Variants in COL5A2 observed in about 807,000 individuals in gnomAD.
COL5A2 encodes collagen type V alpha 2 chain.
Under a neutral mutation model 208.2 loss-of-function variants are expected in COL5A2, and 23 were observed. The ratio of observed to expected loss-of-function variants is 0.11; its 90% CI spans 0.08 to 0.16. The LOEUF (loss-of-function observed/expected upper bound fraction) is 0.16, where lower values mean the gene tolerates loss of function less well. Ranked by LOEUF, COL5A2 falls within the 10% of genes least tolerant of loss-of-function variation. The probability of loss-of-function intolerance (pLI) is 1.00; values close to 1 mark genes in which losing one functional copy is unlikely to be tolerated. For synonymous variants in COL5A2, 625 were observed against 628.5 expected, an observed-to-expected ratio of 0.99 and a Z score of 0.08; for missense variants, 1,590 against 1,956.4, an observed-to-expected ratio of 0.81 and a Z score of 3.53.
intron 1 of COL5A2, among the ~76,000 whole-genome samples, chr2:189,121,339 C>CTCTCTACCAACTGGCCAG (rs1489868777): frequency 1.3e-5 from 2 of 152,104 alleles, no homozygotes; most frequent in African/African-American, 4.8e-5. Flanking sequence ...CAGATTCCTT[C>CTCTCTACCAACTGGCCAG]TCTCTACCAA....
At position 189,173,648 on chromosome 2, in the gene COL5A2, G is replaced by A. The variant is rs1688617649; in HGVS notation, c.97+5860C>T. On this transcript the variant is annotated intron_variant, in intron 1 of 53. Coordinates refer to ENST00000374866, the MANE Select transcript of COL5A2 (RefSeq NM_000393.5). ...AGTATCTTCCTGATAATTTCATTCA[G>A]ACTCCAAAAGCCTACTCAAGCTGTG... 2.0e-5 allele frequency among the ~76,000 whole-genome samples: 3 copies of A among 151,988 alleles called. No homozygotes were observed. The South Asian group carries it at 6.2e-4, about 31-fold the overall frequency.
the COL5A2 span, among the ~76,000 whole-genome samples, chr2:189,349,146 G>A: frequency 6.6e-6 from 1 of 152,106 alleles, no homozygotes; most frequent in African/African-American, 2.4e-5. Flanking sequence ...TAACATAATT[G>A]TGTCTTGTCA....
At chr2:189,222,908 CT>C (rs1230764250) in intron 1 of COL5A2, among the ~76,000 whole-genome samples, 1 of 152,166 alleles carries the variant, frequency 6.6e-6, no homozygotes, top group Non-Finnish European at 1.5e-5. Context: ...CTGAAAGCTA[CT>C]TCATATGAGG....
At chr2:189,322,781 T>C in the COL5A2 span, among the ~76,000 whole-genome samples, 1 of 152,172 alleles carries the variant, frequency 6.6e-6, no homozygotes, top group Non-Finnish European at 1.5e-5. Context: ...CTTCCGAAAC[T>C]ACTCCAATCA....
the COL5A2 span, among the ~76,000 whole-genome samples, chr2:189,361,027 T>C: frequency 6.6e-6 from 1 of 151,964 alleles, no homozygotes. Flanking sequence ...GTGTGGTCTG[T>C]CTATCCTAAA....
At position 189,043,247 on chromosome 2, in the gene COL5A2, T is replaced by A. The variant is rs1236661392; in HGVS notation, c.3375A>T (p.Gly1125=). Reference sequence around the variant, plus strand: ...CATGATCACCTTTGTCACCACGAGGTCCTTGGGGTCCCTAGAAATAGAGAT... The same window carrying A: ...CATGATCACCTTTGTCACCACGAGGACCTTGGGGTCCCTAGAAATAGAGAT... The part of the protein sequence containing the change: ...AGKRGLPGPQ[G]PRGDKGDHGD... Residue 1125 remains glycine, a synonymous_variant, in exon 48 of 54, where the codon GGA becomes GGT. Transcript: ENST00000374866. 1 of 1,611,402 alleles carries A rather than the reference T, an allele frequency of 6.2e-7. No homozygotes were observed. The highest frequency in any genetic ancestry group is 8.5e-7 in the Non-Finnish European group (1 of 1,177,662).
At chr2:189,169,755 A>G (rs1247243660) in intron 1 of COL5A2, among the ~76,000 whole-genome samples, 1 of 152,234 alleles carries the variant, frequency 6.6e-6, no homozygotes, top group East Asian at 1.9e-4. Flanking sequence ...CTTGTTGCCC[A>G]GGCTGGAGCG....
chr2:189,368,584 T>C, the COL5A2 span, among the ~76,000 whole-genome samples: 2 of 152,204 alleles, frequency 1.3e-5, no homozygotes, highest in South Asian at 4.1e-4. Context: ...ACATCTCTAA[T>C]GTAAGATAAT....
intron 1 of COL5A2, among the ~76,000 whole-genome samples, chr2:189,160,919 C>T (rs1342935764): frequency 2.0e-5 from 3 of 150,450 alleles, no homozygotes; most frequent in Non-Finnish European, 4.4e-5. Context: ...CAACCTCTGC[C>T]TCCCAGATTC....
At chr2:189,324,360 C>T in the COL5A2 span, among the ~76,000 whole-genome samples, 1 of 152,116 alleles carries the variant, frequency 6.6e-6, no homozygotes, top group Non-Finnish European at 1.5e-5. Flanking sequence ...AAAGAAACTA[C>T]CATCAGAGTG....
At chr2:189,110,124 T>C in intron 2 of COL5A2, 101 bp downstream of exon 2, 1 of 929,796 alleles carries the variant, frequency 1.1e-6, no homozygotes, top group Non-Finnish European at 1.8e-6. Context: ...AAAAAGCTGC[T>C]TAATTATTCT....
At chr2:189,353,819 T>C in the COL5A2 span, among the ~76,000 whole-genome samples, 3 of 152,188 alleles carry the variant, frequency 2.0e-5, no homozygotes, top group African/African-American at 7.2e-5. Context: ...GAACTTCCAA[T>C]ACTATGTTGA....
chr2:189,217,250 G>A (rs539130535), intron 1 of COL5A2, among the ~76,000 whole-genome samples: 35 of 152,268 alleles, frequency 2.3e-4, no homozygotes, highest in East Asian at 1.3e-3. Context: ...TAAAAGGACC[G>A]TAATCAGTGT....
intron 1 of COL5A2, among the ~76,000 whole-genome samples, chr2:189,194,447 T>G (rs936431912): frequency 6.6e-6 from 1 of 152,348 alleles, no homozygotes; most frequent in African/African-American, 2.4e-5. Flanking sequence ...ACATTTTACA[T>G]GTGATCTCTT....
At chr2:189,311,778 C>T in the COL5A2 span, 1 of 845,534 alleles carries the variant, frequency 1.2e-6, no homozygotes, top group Non-Finnish European at 2.0e-6. Flanking sequence ...TCCAAGCCAG[C>T]TCATCACATT....
rs767219681 is a variant in COL5A2, at chr2:189,063,288, G to T, written c.1771-18C>A. The T allele has an allele frequency of 1.2e-6, 2 of 1,601,374 alleles. No individual in the cohort carries two copies. The highest frequency in any genetic ancestry group is 1.7e-6 in the Non-Finnish European group (2 of 1,169,448). ...GGCGCACCCTATAGAATTGACAGGAGCCATGTAAGTTTCATGTAAGTTGTT... is the reference window on the plus strand; with the variant it reads ...GGCGCACCCTATAGAATTGACAGGATCCATGTAAGTTTCATGTAAGTTGTT... On this transcript the variant is annotated intron_variant, in intron 26 of 53. Coordinates refer to ENST00000374866, the MANE Select transcript of COL5A2 (RefSeq NM_000393.5).
chr2:189,116,486 G>T (rs13024858), intron 1 of COL5A2, among the ~76,000 whole-genome samples: 116,076 of 152,086 alleles, frequency 0.76, 48,009 homozygotes, highest in South Asian at 0.91. Flanking sequence ...TCCCAAATTT[G>T]AAAAGTTAGA....
the COL5A2 span, among the ~76,000 whole-genome samples, chr2:189,291,096 T>C: frequency 2.6e-5 from 4 of 152,156 alleles, no homozygotes; most frequent in Non-Finnish European, 4.4e-5. Context: ...ATTTAACTAA[T>C]ACATTTAAGA....
the COL5A2 span, among the ~76,000 whole-genome samples, chr2:189,296,713 T>C: frequency 6.6e-6 from 1 of 152,184 alleles, no homozygotes. Flanking sequence ...TCCTGAAGTA[T>C]TTACCAAGAT....
Sources: gnomAD v4.1 joint callset for allele counts (sites outside exome capture counted in the v4.1 genomes callset) on GRCh38, gnomAD v4.1.1 for gene constraint, MANE v1.5 for transcripts, NCBI Gene and HGNC (gene_info 2026-07-23, HGNC 2026-07-21) for gene names.